The following NRXN1 variants were observed in gnomAD, a reference collection of about 807,000 sequenced individuals.
NRXN1 encodes the protein neurexin-1.
NRXN1 carries 39 observed loss-of-function variants against 150.9 expected under a neutral mutation model. That is an observed-to-expected ratio of 0.26 (90% CI 0.20 to 0.34). NRXN1 has a LOEUF of 0.34. Ranked by LOEUF, NRXN1 falls within the 10% of genes least tolerant of loss-of-function variation. The probability of loss-of-function intolerance (pLI) is 1.00; values close to 1 mark genes in which losing one functional copy is unlikely to be tolerated. For synonymous variants in NRXN1, 924 were observed against 757.0 expected (o/e 1.22, Z -3.62); for missense variants, 1,815 against 1,949.9 (o/e 0.93, Z 1.30).
chr2:50,470,757 A>G (rs74373597), intron 16 of NRXN1, among the ~76,000 whole-genome samples: 1,567 of 151,942 alleles, frequency 0.01, 31 homozygotes, highest in African/African-American at 0.035. Context: ...AATTCATGAT[A>G]ATGTGATTAA....
chr2:50,607,309 T>G (rs1192681780), intron 8 of NRXN1, among the ~76,000 whole-genome samples: 1 of 152,170 alleles, frequency 6.6e-6, no homozygotes, highest in Non-Finnish European at 1.5e-5. Context: ...GGCATCCCTT[T>G]GTTCATCTAA....
chr2:50,751,732 A>G (rs1464678103), intron 5 of NRXN1, among the ~76,000 whole-genome samples: 6 of 151,964 alleles, frequency 3.9e-5, no homozygotes, highest in Non-Finnish European at 7.4e-5. Flanking sequence ...CTACTTACCC[A>G]TGGCCAGGAA....
At chr2:50,663,650 T>A in intron 5 of NRXN1, among the ~76,000 whole-genome samples, 1 of 152,012 alleles carries the variant, frequency 6.6e-6, no homozygotes, top group Non-Finnish European at 1.5e-5. Context: ...TACATGACAA[T>A]TAATGTAGTA....
chr2:50,937,400 G>A (rs887272200), intron 2 of NRXN1, among the ~76,000 whole-genome samples: 1 of 152,070 alleles, frequency 6.6e-6, no homozygotes, highest in Non-Finnish European at 1.5e-5. Context: ...TGGCTTCTAT[G>A]AAACTATCAG....
At chr2:50,417,026 G>A (rs536514858) in intron 17 of NRXN1, 15 of 152,102 alleles carry the variant, frequency 9.9e-5, no homozygotes, top group African/African-American at 3.4e-4. Context: ...AAACAGTAAC[G>A]GTTTCCTTTT....
intron 12 of NRXN1, among the ~76,000 whole-genome samples, chr2:50,516,695 A>G (rs1035422463): frequency 1.3e-5 from 2 of 152,028 alleles, no homozygotes; most frequent in Non-Finnish European, 2.9e-5. Flanking sequence ...AGTGCTCCTC[A>G]ATTTAGCCAA....
intron 2 of NRXN1, among the ~76,000 whole-genome samples, chr2:50,935,482 C>T (rs1205505606): frequency 6.6e-6 from 1 of 152,138 alleles, no homozygotes; most frequent in Non-Finnish European, 1.5e-5. Context: ...CTATTATAAT[C>T]TCAGCACTTC....
At chr2:51,008,773 T>G (rs1667414766) in intron 2 of NRXN1, among the ~76,000 whole-genome samples, 1 of 151,716 alleles carries the variant, frequency 6.6e-6, no homozygotes, top group East Asian at 1.9e-4. Context: ...TAGCCACAAA[T>G]GTTTTCTTGG....
At chr2:50,619,356 T>C (rs1182339710) in intron 8 of NRXN1, 1 of 152,180 alleles carries the variant, frequency 6.6e-6, no homozygotes, top group Non-Finnish European at 1.5e-5. Context: ...CAGGGACTTC[T>C]TCATCTTTCT....
At chr2:50,141,584 A>G (rs1188478611) in intron 18 of NRXN1, among the ~76,000 whole-genome samples, 2 of 152,118 alleles carry the variant, frequency 1.3e-5, no homozygotes, top group African/African-American at 2.4e-5. Flanking sequence ...TCCAGAATAA[A>G]CAAGGAGCTG....
intron 5 of NRXN1, among the ~76,000 whole-genome samples, chr2:50,726,666 C>T (rs755823314): frequency 5.3e-5 from 8 of 152,120 alleles, no homozygotes; most frequent in Non-Finnish European, 1.2e-4. Flanking sequence ...AGTGACCGAT[C>T]TAGTTAAATA....
intron 2 of NRXN1, among the ~76,000 whole-genome samples, chr2:51,010,638 T>C (rs1020109848): frequency 4.6e-5 from 7 of 152,040 alleles, no homozygotes. Context: ...GATGAAACTG[T>C]TAAAGGAAAT....
At chr2:50,903,041 CAAT>C (rs1459864898) in intron 5 of NRXN1, among the ~76,000 whole-genome samples, 1 of 152,034 alleles carries the variant, frequency 6.6e-6, no homozygotes, top group Non-Finnish European at 1.5e-5. Context: ...TAGAAAATTA[CAAT>C]AATATCACTT....
At chr2:50,530,353 T>G (rs1180516951) in intron 11 of NRXN1, among the ~76,000 whole-genome samples, 1 of 152,200 alleles carries the variant, frequency 6.6e-6, no homozygotes, top group Non-Finnish European at 1.5e-5. Context: ...GATGTGCTAA[T>G]TATAATTAAT....
At chr2:50,211,003 A>G (rs2062974840) in intron 18 of NRXN1, among the ~76,000 whole-genome samples, 1 of 151,760 alleles carries the variant, frequency 6.6e-6, no homozygotes, top group Non-Finnish European at 1.5e-5. Flanking sequence ...GTGATATATA[A>G]GTTAAGTTCT....
chr2:50,294,574 C>T, intron 17 of NRXN1, among the ~76,000 whole-genome samples: 1 of 152,154 alleles, frequency 6.6e-6, no homozygotes, highest in East Asian at 1.9e-4. Flanking sequence ...ACACCTAAAT[C>T]AGCGATACAA....
intron 2 of NRXN1, among the ~76,000 whole-genome samples, chr2:50,989,501 T>C (rs1267901011): frequency 6.6e-6 from 1 of 151,996 alleles, no homozygotes; most frequent in African/African-American, 2.4e-5. Flanking sequence ...AATTGTTTTC[T>C]GTCCCTGTAG....
At chr2:50,094,146 C>G (rs1042197209) in intron 18 of NRXN1, among the ~76,000 whole-genome samples, 2 of 152,150 alleles carry the variant, frequency 1.3e-5, no homozygotes, top group South Asian at 4.1e-4. Flanking sequence ...TAAAATGATT[C>G]TTTTTGTTTC....
At chr2:50,645,009 A>G (rs1043329330) in intron 5 of NRXN1, among the ~76,000 whole-genome samples, 1 of 151,922 alleles carries the variant, frequency 6.6e-6, no homozygotes, top group African/African-American at 2.4e-5. Flanking sequence ...GTGCATTTAT[A>G]AAATCTGGAA....
Sources: allele counts gnomAD v4.1 joint callset (sites outside exome capture counted in the v4.1 genomes callset), GRCh38; gene constraint gnomAD v4.1.1; transcripts MANE v1.5; gene names NCBI Gene and HGNC (gene_info 2026-07-23, HGNC 2026-07-21).